The following CLIC5 variants were observed in gnomAD, a reference collection of about 807,000 sequenced individuals.
The protein encoded by CLIC5 is chloride intracellular channel protein 5.
CLIC5 carries 20 observed loss-of-function variants against 24.7 expected under a neutral mutation model. That is an observed-to-expected ratio of 0.81 (90% confidence interval 0.57 to 1.18). The LOEUF is 1.18. CLIC5 is among the 50% of genes most tolerant of loss of function. The probability of loss-of-function intolerance (pLI) is 0.00; values close to 1 mark genes in which losing one functional copy is unlikely to be tolerated. For missense variants in CLIC5, 341 were observed against 326.1 expected, an observed-to-expected ratio of 1.05 and a Z score of -0.35; for synonymous variants, 159 against 135.6, an observed-to-expected ratio of 1.17 and a Z score of -1.20.
chr6:45,955,706 C>A (rs1489913400), intron 1 of CLIC5, among the ~76,000 whole-genome samples: 2 of 152,068 alleles, frequency 1.3e-5, no homozygotes, highest in East Asian at 1.9e-4. Flanking sequence ...GGCTACCTAG[C>A]CAAAATATGT....
intron 6 of CLIC5, among the ~76,000 whole-genome samples, chr6:45,887,899 A>T (rs541213966): frequency 2.2e-4 from 34 of 152,308 alleles, no homozygotes; most frequent in Admixed American, 1.8e-3. Context: ...AGAGAGAGAG[A>T]AAAAAAGGAG....
chr6:46,035,175 G>A (rs1298450289), intron 1 of CLIC5, among the ~76,000 whole-genome samples: 3 of 152,170 alleles, frequency 2.0e-5, no homozygotes, highest in African/African-American at 7.2e-5. Context: ...AAGTTTCAAA[G>A]TATCAATGGC....
intron 6 of CLIC5, among the ~76,000 whole-genome samples, chr6:45,886,641 A>G (rs1762308376): frequency 6.6e-6 from 1 of 152,190 alleles, no homozygotes; most frequent in African/African-American, 2.4e-5. Flanking sequence ...TGAAGGAAGA[A>G]ACTGCCAAAT....
intron 1 of CLIC5, among the ~76,000 whole-genome samples, chr6:46,057,759 C>T (rs1367397687): frequency 6.6e-6 from 1 of 152,214 alleles, no homozygotes; most frequent in Non-Finnish European, 1.5e-5. Context: ...CAGGTGCCCT[C>T]ATATGTGGTA....
At chr6:45,937,158 T>C (rs1581764190) in intron 4 of CLIC5, among the ~76,000 whole-genome samples, 1 of 152,080 alleles carries the variant, frequency 6.6e-6, no homozygotes, top group African/African-American at 2.4e-5. Context: ...ACCAACAAAG[T>C]TTAAAAAGTA....
chr6:46,055,604 C>A (rs1162986760), intron 1 of CLIC5, among the ~76,000 whole-genome samples: 1 of 152,226 alleles, frequency 6.6e-6, no homozygotes, highest in East Asian at 1.9e-4. Flanking sequence ...AATACAAAAT[C>A]TTTCTGAGCT....
chr6:46,043,214 T>C (rs1767859860), intron 1 of CLIC5, among the ~76,000 whole-genome samples: 2 of 152,208 alleles, frequency 1.3e-5, no homozygotes, highest in Non-Finnish European at 2.9e-5. Flanking sequence ...GCACCCTCTG[T>C]GTACCATGTA....
At chr6:45,948,067 G>A (rs916636453) in intron 3 of CLIC5, among the ~76,000 whole-genome samples, 2 of 152,180 alleles carry the variant, frequency 1.3e-5, no homozygotes, top group African/African-American at 4.8e-5. Context: ...CTCTCTCCCT[G>A]TCCTGACTGT....
At chr6:46,011,493 G>A (rs1766808752) in intron 1 of CLIC5, among the ~76,000 whole-genome samples, 1 of 152,172 alleles carries the variant, frequency 6.6e-6, no homozygotes, top group Admixed American at 6.5e-5. Flanking sequence ...AATCGGCTTG[G>A]GGAGCAAACT....
chr6:45,983,055 A>G (rs1346439800), intron 1 of CLIC5, among the ~76,000 whole-genome samples: 3 of 152,200 alleles, frequency 2.0e-5, no homozygotes, highest in Non-Finnish European at 4.4e-5. Flanking sequence ...AGGTCTGGGA[A>G]ATGGAAGAAA....
chr6:46,072,284 G>C (rs939344644), intron 1 of CLIC5, among the ~76,000 whole-genome samples: 4 of 151,966 alleles, frequency 2.6e-5, no homozygotes, highest in South Asian at 4.2e-4. Flanking sequence ...GTGGCTAGGT[G>C]GGGGGAGGGG....
At chr6:46,072,360 C>A (rs1762632437) in intron 1 of CLIC5, among the ~76,000 whole-genome samples, 1 of 151,426 alleles carries the variant, frequency 6.6e-6, no homozygotes, top group South Asian at 2.3e-4. Flanking sequence ...GTCAAGATGA[C>A]ACTGATCAGT....
At chr6:45,956,466 C>G (rs1764644884) in intron 1 of CLIC5, among the ~76,000 whole-genome samples, 2 of 136,460 alleles carry the variant, frequency 1.5e-5, no homozygotes, top group Non-Finnish European at 3.1e-5. Context: ...TGGGGGCTTA[C>G]TGAGTTTTTT....
the CLIC5 span, among the ~76,000 whole-genome samples, chr6:46,089,696 C>T: frequency 6.6e-6 from 1 of 152,288 alleles, no homozygotes; most frequent in East Asian, 1.9e-4. Context: ...TCCTCCCCTT[C>T]TCCCACAACT....
At chr6:46,011,742 C>T (rs796981012) in intron 1 of CLIC5, among the ~76,000 whole-genome samples, 27 of 152,294 alleles carry the variant, frequency 1.8e-4, no homozygotes, top group African/African-American at 6.3e-4. Context: ...TTTCAAATTG[C>T]TTTCTGTTTT....
Position 45,900,375 on chromosome 6 carries a change from A to C in CLIC5, c.*2713T>G, listed in dbSNP as rs1490660450. The C allele has an allele frequency of 2.0e-5, 3 of 152,160 alleles. No individual in the cohort carries two copies. The highest frequency in any genetic ancestry group is 7.2e-5 in the African/African-American group (3 of 41,422). The allele number at this position is 152,160 out of a possible 1,614,324, so 9.4% of individuals were successfully genotyped here. A position where few individuals can be genotyped will look rare whatever the true frequency, so the allele number is the denominator to read the frequency against. On this transcript the variant is annotated 3_prime_UTR_variant, in exon 6 of 6. Transcript: ENST00000339561. ...GAAGCCTCCTACCCTATAGCTGTAT[A>C]GTTGTGGGGTCCCAACTGCAGACCC...
At chr6:46,085,264 T>A (rs184968721), upstream of CLIC5, among the ~76,000 whole-genome samples, 23,813 of 152,184 alleles carry the variant, frequency 0.16, 2,617 homozygotes, top group East Asian at 0.42. Flanking sequence ...GAAGCCTTCT[T>A]CTCTCAACTC....
At chr6:45,954,649 A>G (rs1026935730) in intron 2 of CLIC5, among the ~76,000 whole-genome samples, 1 of 152,176 alleles carries the variant, frequency 6.6e-6, no homozygotes, top group Non-Finnish European at 1.5e-5. Flanking sequence ...TAAAAACAGA[A>G]CAGTAGTTGC....
chr6:46,035,432 G>A (rs1456020213), intron 1 of CLIC5, among the ~76,000 whole-genome samples: 3 of 152,160 alleles, frequency 2.0e-5, no homozygotes, highest in Non-Finnish European at 4.4e-5. Flanking sequence ...GCTATTGTCC[G>A]ATGCCTCAAT....
Sources: allele counts gnomAD v4.1 joint callset (sites outside exome capture counted in the v4.1 genomes callset), GRCh38; gene constraint gnomAD v4.1.1; transcripts MANE v1.5; gene names NCBI Gene and HGNC (gene_info 2026-07-23, HGNC 2026-07-21).